ARAP3: variants seen among roughly 807,000 people sequenced by gnomAD.
ARAP3 encodes arf-GAP with Rho-GAP domain, ANK repeat and PH domain-containing protein 3.
In ARAP3, 82 loss-of-function variants were observed where a neutral mutation model predicts 169.2. The observed-to-expected ratio is 0.48, with a 90% CI of 0.41 to 0.58. ARAP3 has a LOEUF of 0.58. Ranked by LOEUF, ARAP3 falls within the 20% of genes least tolerant of loss-of-function variation. The probability of loss-of-function intolerance (pLI) is 0.00; values close to 1 mark genes in which losing one functional copy is unlikely to be tolerated. For synonymous variants in ARAP3, 791 were observed against 800.3 expected (o/e 0.99, Z 0.20); for missense variants, 1,764 against 2,018.0 (o/e 0.87, Z 2.41).
Position 141,670,640 on chromosome 5 carries a change from A to T in ARAP3, c.1991-12T>A. 6.2e-7 allele frequency: 1 copy of T among 1,611,228 alleles called. No individual in the cohort carries two copies. The highest frequency in any genetic ancestry group is 8.5e-7 in the Non-Finnish European group (1 of 1,177,490). ...ACCAGGGGAGGGGTCTGCAAGGGGA[A>T]GGGGAAGTAGTCAGGTCAACCAAGT... On this transcript the variant is annotated splice_polypyrimidine_tract_variant and intron_variant, in intron 13 of 32. Transcript: ENST00000239440.
intron 4 of ARAP3, among the ~76,000 whole-genome samples, chr5:141,675,604 T>A (rs962319046): frequency 6.6e-6 from 1 of 151,790 alleles, no homozygotes; most frequent in African/African-American, 2.4e-5. Flanking sequence ...GCGCCTGTAA[T>A]TCCAGCTACT....
At chr5:141,678,105 C>T (rs2099912446) in intron 4 of ARAP3, among the ~76,000 whole-genome samples, 1 of 152,164 alleles carries the variant, frequency 6.6e-6, no homozygotes, top group Admixed American at 6.5e-5. Flanking sequence ...CACCACCACG[C>T]CCGGCTATAT....
rs766361090 is a variant in ARAP3, at chr5:141,671,720, G to A, written c.1704C>T (p.Asn568=). 1.2e-6 allele frequency: 2 copies of A among 1,606,868 alleles called. No individual in the cohort carries two copies. The highest frequency in any genetic ancestry group is 1.3e-5 in the African/African-American group (1 of 74,886). The change falls in exon 12 of 33, where the codon AAC becomes AAT. Residue 568 remains asparagine (N), a synonymous_variant. Coordinates refer to ENST00000239440, the MANE Select transcript of ARAP3 (RefSeq NM_022481.6). This position sits in a 1 kb window ranked among gnomAD's most constrained non-coding sequence, Gnocchi z 4.9. ...LFIVLGNDRA[N]RFWAGTLPPG... ...GGGGTAGGGTCCCTGCCCAGAAGCG[G>A]TTGGCACGATCATTTCCCAGGACAA...
chr5:141,658,702 G>C (rs1324603305), intron 23 of ARAP3, 49 bp from the exon 24 acceptor site: 1 of 1,505,670 alleles, frequency 6.6e-7, no homozygotes, highest in Non-Finnish European at 8.9e-7. Context: ...GGGTGCAAAA[G>C]ACATCAAAGT....
At chr5:141,661,581 G>A (rs6891143) in intron 21 of ARAP3, 103 bp downstream of exon 21, 181,902 of 1,227,730 alleles carry the variant, frequency 0.15, 14,236 homozygotes, top group East Asian at 0.24. Flanking sequence ...CTTAACAACT[G>A]TTTGTGGAAT....
In ARAP3 at chr5:141,672,532, C is replaced by A. The variant is rs767609961; in HGVS notation, c.1385+20G>T. The A allele has an allele frequency of 1.2e-6, 2 of 1,613,230 alleles. No individual in the cohort carries two copies. The highest frequency in any genetic ancestry group is 1.1e-5 in the South Asian group (1 of 90,958). ...CCGCAAAAGTCCCCCAGCCTTGCCT[C>A]CCACTGGCCCAGGCCCCACCTGAAG... On this transcript the variant is annotated intron_variant, in intron 9 of 32. Coordinates refer to ENST00000239440, the MANE Select transcript of ARAP3 (RefSeq NM_022481.6). The surrounding 1 kb of genome is among the most constrained non-coding windows in gnomAD (Gnocchi z 4.9).
rs201370620 is a variant in ARAP3, at chr5:141,653,909, G to A, written c.*41C>T. On this transcript the variant is annotated 3_prime_UTR_variant, in exon 33 of 33. Transcript: ENST00000239440. ...AACAGTGCCACGATAAGAGTTTCTG[G>A]GTCTTCTGGTACCTACCCTCTCAGA... 297 of 1,508,548 alleles carry A rather than the reference G, an allele frequency of 2.0e-4. 1 individual carries two copies. The East Asian group carries it at 5.4e-3, about 28-fold the overall frequency. 93.4% of individuals were successfully genotyped at this position (1,508,548 alleles called of 1,614,324 possible).
At position 141,653,994 on chromosome 5, in the gene ARAP3, G is replaced by C; in HGVS notation, c.4591C>G (p.Pro1531Ala). The change falls in exon 33 of 33, where the codon CCC (proline) becomes GCC (alanine). Residue 1531 changes from proline (P) to alanine (A), a missense_variant. This residue lies in a region of ARAP3 where 1,112 missense variants were observed against 1,285.7 expected (regional missense o/e 0.86). Transcript: ENST00000239440. ...GAGGGTGGACTGGAAGTGCATGGGG[G>C]TTGGGTGGGGAAGCCAGGTGTCTGT... ...PTQTPGFPTQ[P>A]PCTSSPPSSQ... 1.3e-6 allele frequency: 2 copies of C among 1,553,096 alleles called. No homozygotes were observed. The highest frequency in any genetic ancestry group is 1.7e-6 in the Non-Finnish European group (2 of 1,150,234).
rs762774245 is a variant in ARAP3, at chr5:141,656,533, G to A, written c.3760C>T (p.Arg1254Cys). 6.4e-5 allele frequency: 103 copies of A among 1,612,314 alleles called. No individual in the cohort carries two copies. Among genetic ancestry groups the A allele is most frequent in the Middle Eastern group, 1.6e-4 (1 of 6,076 alleles). The change falls in exon 27 of 33, where the codon CGC becomes TGC. Residue 1254 changes from arginine (R) to cysteine (C), a missense_variant. Physicochemically the swap from Arg to Cys is radical, Grantham distance 180 (BLOSUM62 -3). Around this residue, in one of 3 missense-constraint regions of ARAP3, gnomAD observed 1,112 missense variants for 1,285.7 expected, o/e 0.86. Coordinates refer to ENST00000239440, the MANE Select transcript of ARAP3 (RefSeq NM_022481.6). ...TTCTCCTTGAGCAGCAGCAGGCAGC[G>A]GCCACGCAGCAGAAAGAACCTCTCC... The part of the protein sequence containing the change: ...FQERFFLLRG[R>C]CLLLLKEKKS...
rs747259478 is a variant in ARAP3 at position 141,671,423 on chromosome 5, G to A, written c.1855-23C>T. ...TGCCTGCAGGGAGGGAAGGGCCTCT[G>A]TCAGCCCCAAATCCCAAACTGAGAG... On this transcript the variant is annotated intron_variant, in intron 12 of 32. Transcript: ENST00000239440. This position sits in a 1 kb window ranked among gnomAD's most constrained non-coding sequence, Gnocchi z 4.9. 1.9e-6 allele frequency: 3 copies of A among 1,599,992 alleles called. No individual in the cohort carries two copies. The highest frequency in any genetic ancestry group is 2.6e-6 in the Non-Finnish European group (3 of 1,172,746).
At position 141,670,555 on chromosome 5, in the gene ARAP3, G is replaced by A; in HGVS notation, c.2064C>T (p.Val688=). Residue 688 remains valine, a synonymous_variant, in exon 14 of 33, where the codon GTC becomes GTT. Coordinates refer to ENST00000239440, the MANE Select transcript of ARAP3 (RefSeq NM_022481.6). The part of the protein sequence containing the change: ...TYSGFLYCSP[V]SNKAGPSPPR... ...GGGGTGAGGGTCCAGCTTTGTTGCT[G>A]ACGGGACTGCAGTACAGGAAGCCGC... 1 of 1,614,082 alleles carries A rather than the reference G, an allele frequency of 6.2e-7. No individual in the cohort carries two copies. The highest frequency in any genetic ancestry group is 1.3e-5 in the African/African-American group (1 of 75,022).
In ARAP3 at chr5:141,655,264, T is replaced by C. The variant is rs1023085140; in HGVS notation, c.4149+98A>G. The C allele has an allele frequency of 1.7e-4, 164 of 991,162 alleles. 2 individuals carry two copies. The highest frequency in any genetic ancestry group is 2.0e-4 in the Non-Finnish European group (144 of 720,558). The allele number at this position is 991,162 out of a possible 1,614,324, so 61.4% of individuals were successfully genotyped here. On this transcript the variant is annotated intron_variant, in intron 32 of 32. Coordinates refer to ENST00000239440, the MANE Select transcript of ARAP3 (RefSeq NM_022481.6). ...CACACACACACACACACACACCCCC[T>C]GATGGCCTACATGAGGAAAACAGCA... is the stretch of plus-strand genomic sequence containing the variant.
chr5:141,674,977 C>G (rs1329185392), intron 4 of ARAP3, among the ~76,000 whole-genome samples: 1 of 152,230 alleles, frequency 6.6e-6, no homozygotes, highest in Non-Finnish European at 1.5e-5. Context: ...AATAACGTCC[C>G]ATTCGCACTT....
rs1485680604 is a variant in ARAP3, at chr5:141,671,098, A to G, written c.1990+167T>C. The stretch of plus-strand genomic sequence containing the variant: ...ACCCTCCCCAGCCATGACCGTCATC[A>G]GCTATCACATGACATCAGGAGATAG... On this transcript the variant is annotated intron_variant, in intron 13 of 32. Coordinates refer to ENST00000239440, the MANE Select transcript of ARAP3 (RefSeq NM_022481.6). The surrounding 1 kb of genome is among the most constrained non-coding windows in gnomAD (Gnocchi z 4.9). 6.6e-6 allele frequency among the ~76,000 whole-genome samples: 1 copy of G among 152,226 alleles called. No individual in the cohort carries two copies. The highest frequency in any genetic ancestry group is 1.5e-5 in the Non-Finnish European group (1 of 68,036).
intron 24 of ARAP3, 26 bp from the exon 25 acceptor site, chr5:141,658,505 T>G: frequency 6.2e-7 from 1 of 1,613,930 alleles, no homozygotes; most frequent in South Asian, 1.1e-5. Context: ...GAGCAGAGAA[T>G]TCATGCTGGT....
At chr5:141,656,172 C>T (rs547825734) in intron 28 of ARAP3, 22 bp downstream of exon 28, 8 of 1,613,958 alleles carry the variant, frequency 5.0e-6, no homozygotes, top group African/African-American at 1.3e-5. Flanking sequence ...CCTGGAAGTG[C>T]GGGCTGGGGA....
In ARAP3 at chr5:141,679,766, C is replaced by T; in HGVS notation, c.581G>A (p.Gly194Asp). The T allele has an allele frequency of 6.2e-7, 1 of 1,614,076 alleles. No individual in the cohort carries two copies. Among genetic ancestry groups the T allele is most frequent in the Non-Finnish European group, 8.5e-7 (1 of 1,180,012 alleles). ...APTPALRPTT[G>D]TVHIMDPGCL... is the part of the protein sequence containing the mutation. ...ACCCGTGATAACCCAGTTACCTGTG[C>T]CTGTTGTGGGCCTGAGGGCAGGGGT... The change falls in exon 3 of 33, where the codon GGC (glycine) becomes GAC (aspartate). Residue 194 changes from glycine to aspartate, a missense_variant. Gly to Asp is a moderately conservative substitution (Grantham distance 94). Coordinates refer to ENST00000239440, the MANE Select transcript of ARAP3 (RefSeq NM_022481.6).
At position 141,671,736 on chromosome 5, in the gene ARAP3, C is replaced by A; in HGVS notation, c.1688G>T (p.Gly563Val). The A allele has an allele frequency of 6.2e-7, 1 of 1,601,812 alleles. No individual in the cohort carries two copies. The highest frequency in any genetic ancestry group is 8.5e-7 in the Non-Finnish European group (1 of 1,173,520). ...CCAGAAGCGGTTGGCACGATCATTT[C>A]CCAGGACAATGAATAACTGTGGGAT... Reference protein sequence around the residue: ...NEIVQLFIVLGNDRANRFWAG... With the variant: ...NEIVQLFIVLVNDRANRFWAG... The change falls in exon 12 of 33, where the codon GGA becomes GTA. Residue 563 changes from glycine to valine, a missense_variant. Transcript: ENST00000239440. The surrounding 1 kb of genome is among the most constrained non-coding windows in gnomAD (Gnocchi z 4.9).
intron 19 of ARAP3, 97 bp from the exon 20 acceptor site, chr5:141,662,352 G>T: frequency 8.7e-7 from 1 of 1,147,728 alleles, no homozygotes; most frequent in Non-Finnish European, 1.3e-6. Context: ...TGTGGCTGAT[G>T]GGGGCATGGG....
Sources: gnomAD v4.1 joint callset for allele counts (sites outside exome capture counted in the v4.1 genomes callset) on GRCh38, gnomAD v4.1.1 for gene constraint, gnomAD v4.1.1 regional missense constraint, Gnocchi (gnomAD v3.1) non-coding constraint, MANE v1.5 for transcripts, NCBI Gene and HGNC (gene_info 2026-07-23, HGNC 2026-07-21) for gene names.